The following IQGAP1 variants were observed in gnomAD, a reference collection of about 807,000 sequenced individuals.
IQGAP1 encodes the protein IQ motif containing GTPase activating protein 1.
In IQGAP1, 66 loss-of-function variants were observed where a neutral mutation model predicts 215.6. The ratio of observed to expected loss-of-function variants is 0.31; its 90% confidence interval spans 0.25 to 0.38. The LOEUF is 0.38. Ranked by LOEUF, IQGAP1 falls within the 10% of genes least tolerant of loss-of-function variation. The probability of loss-of-function intolerance (pLI) is 1.00; values close to 1 mark genes in which losing one functional copy is unlikely to be tolerated. For missense variants in IQGAP1, 1,712 were observed against 1,997.1 expected, an observed-to-expected ratio of 0.86 and a Z score of 2.72; for synonymous variants, 772 against 728.7, an observed-to-expected ratio of 1.06 and a Z score of -0.96.
At chr15:90,488,529 A>G (rs1425776298) in intron 33 of IQGAP1, among the ~76,000 whole-genome samples, 1 of 152,192 alleles carries the variant, frequency 6.6e-6, no homozygotes, top group Non-Finnish European at 1.5e-5. Context: ...AGAAAAGTAC[A>G]GAATGTGGCT....
At position 90,500,198 on chromosome 15, in the gene IQGAP1, AC is replaced by A. The variant is rs1398667085; in HGVS notation, c.*92del. 2.1e-5 allele frequency: 15 copies of A among 722,264 alleles called. No individual in the cohort carries two copies. The Admixed American group carries it at 3.3e-4, about 16-fold the overall frequency. The allele number at this position is 722,264 out of a possible 1,614,324, so 44.7% of individuals were successfully genotyped here. A position where few individuals can be genotyped will look rare whatever the true frequency, so the allele number is the denominator to read the frequency against. ...CCTTCTTTCCTCATTGGAAGCAAAG[AC>A]CTAGCCAACAACAGCACCTCAATCT... is the stretch of plus-strand genomic sequence containing the variant. On this transcript the variant is annotated 3_prime_UTR_variant, in exon 38 of 38. Transcript: ENST00000268182.
chr15:90,486,203 T>C, intron 31 of IQGAP1, 71 bp downstream of exon 31: 2 of 1,035,438 alleles, frequency 1.9e-6, no homozygotes, highest in Non-Finnish European at 1.5e-6. Context: ...TGTCACCTCC[T>C]CTATTTTTTG....
At chr15:90,448,452 G>A in intron 9 of IQGAP1, 121 bp from the exon 10 acceptor site, 1 of 856,496 alleles carries the variant, frequency 1.2e-6, no homozygotes, top group Non-Finnish European at 1.7e-6. Context: ...GAATCACAGA[G>A]TAAAGGCTCT....
intron 37 of IQGAP1, among the ~76,000 whole-genome samples, chr15:90,499,184 G>A (rs925140391): frequency 1.1e-4 from 16 of 152,182 alleles, no homozygotes; most frequent in Non-Finnish European, 1.6e-4. Flanking sequence ...TCAGAAGTGA[G>A]ACCACTCAGA....
chr15:90,426,751 G>A (rs1164186482), intron 3 of IQGAP1, among the ~76,000 whole-genome samples: 5 of 151,884 alleles, frequency 3.3e-5, no homozygotes, highest in East Asian at 1.9e-4. Context: ...TCAGGAGTTC[G>A]AGACCAGCCT....
At chr15:90,411,425 C>G (rs554723508) in intron 2 of IQGAP1, among the ~76,000 whole-genome samples, 1 of 152,082 alleles carries the variant, frequency 6.6e-6, no homozygotes, top group Non-Finnish European at 1.5e-5. Flanking sequence ...GGATTATAGG[C>G]GTGAGCCACC....
chr15:90,388,260 C>A lies in IQGAP1; in HGVS notation c.-82C>A. 6.7e-7 allele frequency: 1 copy of A among 1,497,726 alleles called. No individual in the cohort carries two copies. The highest frequency in any genetic ancestry group is 9.1e-7 in the Non-Finnish European group (1 of 1,098,506). The allele number at this position is 1,497,726 out of a possible 1,614,324, so 92.8% of individuals were successfully genotyped here. ...CCTCGGGGACCCCGGCAAGCCCGCG[C>A]ACTTGGCAGGAGCTGTAGCTACCGC... On this transcript the variant is annotated 5_prime_UTR_variant, in exon 1 of 38. Transcript: ENST00000268182.
At chr15:90,439,269 C>T in intron 5 of IQGAP1, 63 bp from the exon 6 acceptor site, 1 of 1,318,054 alleles carries the variant, frequency 7.6e-7, no homozygotes, top group Non-Finnish European at 1.1e-6. Flanking sequence ...TGATTTTCGC[C>T]TTTTAAGGGT....
At chr15:90,487,452 A>G (rs747012311) in intron 32 of IQGAP1, 43 bp from the exon 33 acceptor site, 2 of 1,408,830 alleles carry the variant, frequency 1.4e-6, no homozygotes, top group East Asian at 2.3e-5. Context: ...GAGAGGAACT[A>G]GAACACTGGT....
intron 29 of IQGAP1, 124 bp from the exon 30 acceptor site, chr15:90,484,096 C>T (rs1443050932): frequency 1.2e-6 from 1 of 818,292 alleles, no homozygotes; most frequent in Non-Finnish European, 2.0e-6. Context: ...ACAGCACTTT[C>T]TCTTGAAGTA....
At chr15:90,468,732 G>A (rs1965865710) in intron 18 of IQGAP1, among the ~76,000 whole-genome samples, 1 of 152,114 alleles carries the variant, frequency 6.6e-6, no homozygotes, top group Non-Finnish European at 1.5e-5. Context: ...TTGGGAGGAT[G>A]AGGCAGAAGG....
chr15:90,452,600 G>A (rs148420789), intron 11 of IQGAP1, among the ~76,000 whole-genome samples, 175 bp from the exon 12 acceptor site: 3 of 152,316 alleles, frequency 2.0e-5, no homozygotes, highest in East Asian at 3.9e-4. Context: ...TTCACATACC[G>A]TACAGTTCAC....
In IQGAP1 at chr15:90,491,544, G is replaced by A. The variant is rs146200248; in HGVS notation, c.4460G>A (p.Arg1487Lys). The change falls in exon 34 of 38, where the codon AGG becomes AAG. Residue 1487 changes from arginine (R) to lysine (K), a missense_variant and splice_region_variant. Coordinates refer to ENST00000268182, the MANE Select transcript of IQGAP1 (RefSeq NM_003870.4). ...CAGGAACTGATCAACGACATTGCCA[G>A]GGTACTGCATTCGGGGGACAGAGGG... The part of the protein sequence containing the change: ...KYQELINDIA[R>K]DIRNQRRYRQ... 1.9e-3 allele frequency: 3,086 copies of A among 1,613,572 alleles called. 3 individuals are homozygous for A. The highest frequency in any genetic ancestry group is 2.4e-3 in the Non-Finnish European group (2,814 of 1,179,534).
At chr15:90,482,330 TA>T in intron 28 of IQGAP1, 49 bp downstream of exon 28, 1 of 1,564,678 alleles carries the variant, frequency 6.4e-7, no homozygotes. Flanking sequence ...GACAAAGCAA[TA>T]AAACCAGGGC....
rs150209503 is a variant in IQGAP1, at chr15:90,449,573, C to T, written c.1092C>T (p.Asp364=). The T allele has an allele frequency of 3.1e-6, 5 of 1,612,336 alleles. No individual in the cohort carries two copies. Among genetic ancestry groups the T allele is most frequent in the East Asian group, 4.5e-5 (2 of 44,822 alleles). The change falls in exon 11 of 38, where the codon GAC becomes GAT. Residue 364 remains aspartate, a synonymous_variant. Coordinates refer to ENST00000268182, the MANE Select transcript of IQGAP1 (RefSeq NM_003870.4). ...KQQKRQSGQT[D]PLQKEELQSG... Reference sequence around the variant, plus strand: ...GCTTTGCTCAGAGTGGTCAGACTGACCCCCTGCAGAAGGAGGAGCTGCAGT... The same window carrying T: ...GCTTTGCTCAGAGTGGTCAGACTGATCCCCTGCAGAAGGAGGAGCTGCAGT...
intron 2 of IQGAP1, among the ~76,000 whole-genome samples, chr15:90,400,595 C>T (rs1057234319): frequency 7.2e-5 from 11 of 152,104 alleles, no homozygotes; most frequent in African/African-American, 1.7e-4. Flanking sequence ...CAGTGTTAAT[C>T]GGGCAGCTGA....
Position 90,474,308 on chromosome 15 carries a change from A to C in IQGAP1, c.2575+175A>C, listed in dbSNP as rs747728110. 7 of 750,888 alleles carry C rather than the reference A, an allele frequency of 9.3e-6. 1 individual carries two copies. In the Admixed American group the frequency reaches 1.9e-4, roughly 20 times the overall value. The allele number at this position is 750,888 out of a possible 1,614,324, so 46.5% of individuals were successfully genotyped here. A position where few individuals can be genotyped will look rare whatever the true frequency, so the allele number is the denominator to read the frequency against. The stretch of plus-strand genomic sequence containing the variant: ...GCTAGGTGTCTTGTTGGCTTGTTGC[A>C]TTAACCTTTATCATAACATAGCAAT... On this transcript the variant is annotated intron_variant, in intron 22 of 37. Coordinates refer to ENST00000268182, the MANE Select transcript of IQGAP1 (RefSeq NM_003870.4).
chr15:90,439,292 C>T lies in IQGAP1; in HGVS notation c.468-40C>T, dbSNP rs1252711800. The T allele has an allele frequency of 1.9e-6, 3 of 1,550,998 alleles. No individual in the cohort carries two copies. The African/African-American group carries it at 4.1e-5, about 21-fold the overall frequency. On this transcript the variant is annotated intron_variant, in intron 5 of 37. Coordinates refer to ENST00000268182, the MANE Select transcript of IQGAP1 (RefSeq NM_003870.4). ...GCCTTTTAAGGGTGGCAGCTAGGCA[C>T]AGCTGGGAGGCCTAACCTTTTGCAT...
intron 2 of IQGAP1, among the ~76,000 whole-genome samples, chr15:90,413,689 A>G (rs1965001944): frequency 6.6e-6 from 1 of 152,230 alleles, no homozygotes; most frequent in Non-Finnish European, 1.5e-5. Flanking sequence ...ATTACTTCTA[A>G]ATTCCTCAGA....
Sources: gnomAD v4.1 joint callset for allele counts (sites outside exome capture counted in the v4.1 genomes callset) on GRCh38, gnomAD v4.1.1 for gene constraint, MANE v1.5 for transcripts, NCBI Gene and HGNC (gene_info 2026-07-23, HGNC 2026-07-21) for gene names.